Variants in NWD1 observed in about 807,000 individuals in gnomAD.
NWD1 encodes the protein NACHT domain- and WD repeat-containing protein 1.
NWD1 carries 129 observed loss-of-function variants against 135.1 expected under a neutral mutation model. That is an observed-to-expected ratio of 0.96 (90% CI 0.83 to 1.11). The LOEUF (loss-of-function observed/expected upper bound fraction) is 1.11. Among genes scored for constraint, NWD1 ranks in the 50% least tolerant of loss-of-function variants. The pLI, the probability that NWD1 is intolerant of heterozygous loss-of-function variation, is 0.00. For missense variants in NWD1, 1,740 were observed against 1,851.3 expected, an observed-to-expected ratio of 0.94 and a Z score of 1.10; for synonymous variants, 773 against 786.0, an observed-to-expected ratio of 0.98 and a Z score of 0.28.
intron 12 of NWD1, among the ~76,000 whole-genome samples, chr19:16,784,263 G>A (rs770544668): frequency 6.6e-6 from 1 of 151,628 alleles, no homozygotes. Flanking sequence ...CCCAGGCTGC[G>A]GCTGAGGCAG....
At chr19:16,780,247 C>T (rs1287679094) in intron 12 of NWD1, among the ~76,000 whole-genome samples, 1 of 151,808 alleles carries the variant, frequency 6.6e-6, no homozygotes, top group African/African-American at 2.4e-5. Context: ...GCTCTGCCTC[C>T]CAGGTTCACG....
At chr19:16,758,624 G>A (rs1968885579) in intron 6 of NWD1, among the ~76,000 whole-genome samples, 1 of 152,108 alleles carries the variant, frequency 6.6e-6, no homozygotes, top group South Asian at 2.1e-4. Flanking sequence ...GGGTGGAGTG[G>A]GGTAGGTGCA....
intron 14 of NWD1, among the ~76,000 whole-genome samples, chr19:16,792,017 C>G (rs148546939): frequency 6.6e-6 from 1 of 152,104 alleles, no homozygotes; most frequent in Non-Finnish European, 1.5e-5. Flanking sequence ...CCCGGCCACA[C>G]GCTTGGCTTC....
intron 4 of NWD1, among the ~76,000 whole-genome samples, chr19:16,741,649 A>G (rs931696544): frequency 2.0e-5 from 3 of 151,942 alleles, no homozygotes; most frequent in Non-Finnish European, 4.4e-5. Context: ...GATTACAGGC[A>G]TGAGCTACCA....
At chr19:16,720,975 C>T (rs533561922) in intron 1 of NWD1, among the ~76,000 whole-genome samples, 4 of 151,982 alleles carry the variant, frequency 2.6e-5, no homozygotes, top group Non-Finnish European at 4.4e-5. Flanking sequence ...CTCAGGCTTC[C>T]GAGTAGCTGG....
intron 18 of NWD1, among the ~76,000 whole-genome samples, chr19:16,810,453 A>G (rs1328665878): frequency 2.7e-5 from 4 of 150,254 alleles, no homozygotes; most frequent in South Asian, 2.1e-4. Context: ...AAAAAAAAAA[A>G]AAAAGAAAGA....
chr19:16,727,395 G>A (rs2122677657), intron 2 of NWD1: 1 of 152,898 alleles, frequency 6.5e-6, no homozygotes, highest in South Asian at 2.1e-4. Context: ...AGGTGGTGGG[G>A]GCTGCAGGTC....
chr19:16,744,812 C>T, intron 5 of NWD1, 94 bp downstream of exon 5: 1 of 1,096,002 alleles, frequency 9.1e-7, no homozygotes, highest in Non-Finnish European at 1.3e-6. Flanking sequence ...CAACAGTCTG[C>T]ATTTCTTGCA....
At position 16,731,191 on chromosome 19, in the gene NWD1, G is replaced by T. The variant is rs573582184; in HGVS notation, c.-6-1G>T. On this transcript the variant is annotated splice_acceptor_variant, in intron 2 of 18. Transcript: ENST00000524140. LOFTEE classifies it low-confidence loss of function (5UTR_SPLICE). ...AATACCCTCCATGCCCTTCCTTGCAGATATGGATGCAGAGAGGGAAGCCCT... is the reference window on the plus strand; with the variant it reads ...AATACCCTCCATGCCCTTCCTTGCATATATGGATGCAGAGAGGGAAGCCCT... 7.3e-5 allele frequency: 110 copies of T among 1,515,952 alleles called. 3 individuals are homozygous for T. The South Asian group carries it at 1.2e-3, about 16-fold the overall frequency. 93.9% of individuals were successfully genotyped at this position (1,515,952 alleles called of 1,614,324 possible).
In NWD1 at chr19:16,749,833, T is replaced by C; in HGVS notation, c.1191T>C (p.Tyr397=). 1 of 1,610,804 alleles carries C rather than the reference T, an allele frequency of 6.2e-7. No individual in the cohort carries two copies. Among genetic ancestry groups the C allele is most frequent in the Non-Finnish European group, 8.5e-7 (1 of 1,178,478 alleles). The change falls in exon 6 of 19, where the codon TAT becomes TAC. Residue 397 remains tyrosine (Y), a synonymous_variant. Coordinates refer to ENST00000524140, the MANE Select transcript of NWD1 (RefSeq NM_001007525.5). ...TCTGCTTCCAGGTGTGCCTGGCCTA[T>C]GGGCTGCCCTTGCCCCCTGCCCAGG... ...KSICFQVCLA[Y]GLPLPPAQVL...
rs769555044 is a variant in NWD1, at chr19:16,763,916, G to T, written c.2222G>T (p.Arg741Leu). The T allele has an allele frequency of 1.2e-6, 2 of 1,612,844 alleles. No individual in the cohort carries two copies. The highest frequency in any genetic ancestry group is 1.7e-5 in the Admixed American group (1 of 60,008). ...ELPYHLLHSG[R>L]LEELKQEVLG... is the part of the protein sequence containing the mutation. ...CCCTATCACCTGCTTCACTCGGGCC[G>T]CCTGGAGGAGCTGAAACAGGAGGTT... Residue 741 changes from arginine (R) to leucine (L), a missense_variant, in exon 9 of 19, where the codon CGC becomes CTC. Coordinates refer to ENST00000524140, the MANE Select transcript of NWD1 (RefSeq NM_001007525.5).
At chr19:16,740,141 A>AG (rs1052373714) in intron 4 of NWD1, among the ~76,000 whole-genome samples, 6 of 151,828 alleles carry the variant, frequency 4.0e-5, no homozygotes, top group Non-Finnish European at 7.4e-5. Context: ...TAAAAAAAAA[A>AG]AAAGAACAGT....
chr19:16,797,386 A>G (rs1970452208), intron 15 of NWD1, among the ~76,000 whole-genome samples: 1 of 134,636 alleles, frequency 7.4e-6, no homozygotes, highest in African/African-American at 2.9e-5. Flanking sequence ...GCTGGAGTGT[A>G]GTGGTGCAAT....
At chr19:16,733,971 A>C (rs1967684642) in intron 3 of NWD1, among the ~76,000 whole-genome samples, 1 of 151,838 alleles carries the variant, frequency 6.6e-6, no homozygotes, top group African/African-American at 2.4e-5. Context: ...TCGGTGCTAA[A>C]GAATTCAGGG....
In NWD1 at chr19:16,759,382, G is replaced by A; in HGVS notation, c.1927G>A (p.Ala643Thr). 1 of 1,598,814 alleles carries A rather than the reference G, an allele frequency of 6.3e-7. No individual in the cohort carries two copies. Among genetic ancestry groups the A allele is most frequent in the Non-Finnish European group, 8.5e-7 (1 of 1,173,894 alleles). The stretch of plus-strand genomic sequence containing the variant: ...TCGTCGGGATCTGGGATACTACTTG[G>A]CCCGGCGGCCCGTGGATGGCTTCAC... Reference protein sequence around the residue: ...RLRRDLGYYLARRPVDGFTLL... With the variant: ...RLRRDLGYYLTRRPVDGFTLL... The change falls in exon 7 of 19, where the codon GCC becomes ACC. Residue 643 changes from alanine (A) to threonine (T), a missense_variant. Coordinates refer to ENST00000524140, the MANE Select transcript of NWD1 (RefSeq NM_001007525.5).
rs1599460199 is a variant in NWD1, at chr19:16,749,129, A to T, written c.497-10A>T. ...ACCACACTTCCTTCCCACCTTCCCC[A>T]CTTTGGCAGTCATTGAGTGGGAGAT... On this transcript the variant is annotated splice_polypyrimidine_tract_variant and intron_variant, in intron 5 of 18. Transcript: ENST00000524140. 1 of 1,576,864 alleles carries T rather than the reference A, an allele frequency of 6.3e-7. No individual in the cohort carries two copies.
intron 12 of NWD1, among the ~76,000 whole-genome samples, chr19:16,780,158 C>CT (rs530860435): frequency 0.012 from 1,667 of 138,806 alleles, 20 homozygotes; most frequent in African/African-American, 0.029. Context: ...GGCAAGGTTT[C>CT]TTTTTTTTTT....
In NWD1 at chr19:16,788,992, G is replaced by T. The variant is rs1226961033; in HGVS notation, c.2742G>T (p.Arg914Ser). ...CCTGGCCTGCTGCAGGAGAGGTGAG[G>T]TGTGTGAAAATATTTGCCAAAGGGA... The part of the protein sequence containing the change: ...HMLTGHTGEV[R>S]CVKIFAKGTL... The change falls in exon 13 of 19, where the codon AGG (arginine) becomes AGT (serine). Residue 914 changes from arginine (R) to serine (S), a missense_variant. Arg to Ser is a moderately radical substitution (Grantham distance 110, BLOSUM62 -1). Transcript: ENST00000524140. The T allele has an allele frequency of 6.2e-7, 1 of 1,611,444 alleles. No individual in the cohort carries two copies. Among genetic ancestry groups the T allele is most frequent in the Non-Finnish European group, 8.5e-7 (1 of 1,179,262 alleles).
At chr19:16,810,534 G>A (rs934231749) in intron 18 of NWD1, among the ~76,000 whole-genome samples, 5 of 151,888 alleles carry the variant, frequency 3.3e-5, no homozygotes, top group African/African-American at 4.8e-5. Flanking sequence ...TTGGGAGGCC[G>A]AGGCAGGGGG....
Sources: allele counts gnomAD v4.1 joint callset (sites outside exome capture counted in the v4.1 genomes callset), GRCh38; gene constraint gnomAD v4.1.1; transcripts MANE v1.5; gene names NCBI Gene and HGNC (gene_info 2026-07-23, HGNC 2026-07-21).